STRN3: variants seen among roughly 807,000 people sequenced by gnomAD.
STRN3 encodes the protein striatin 3.
In STRN3, 29 loss-of-function variants were observed where a neutral mutation model predicts 95.6. That is an observed-to-expected ratio of 0.30 (90% CI 0.23 to 0.41). The LOEUF is 0.41. Ranked by LOEUF, STRN3 falls within the 10% of genes least tolerant of loss-of-function variation. The probability of loss-of-function intolerance (pLI) is 1.00; values close to 1 mark genes in which losing one functional copy is unlikely to be tolerated. For missense variants in STRN3, 890 were observed against 972.1 expected (o/e 0.92, Z 1.12); for synonymous variants, 331 against 357.6 (o/e 0.93, Z 0.84).
At chr14:30,955,171 A>G (rs1049563726) in intron 3 of STRN3, among the ~76,000 whole-genome samples, 2 of 152,188 alleles carry the variant, frequency 1.3e-5, no homozygotes, top group African/African-American at 4.8e-5. Context: ...TCTTAATTTT[A>G]TATGTATGAC....
At chr14:31,025,679 G>A (rs756222302) in intron 1 of STRN3, 5 of 679,082 alleles carry the variant, frequency 7.4e-6, no homozygotes, top group African/African-American at 5.6e-5. Context: ...CCCCGAGGAG[G>A]CCCGCACCGC....
At chr14:30,951,159 A>G (rs916314278) in intron 3 of STRN3, among the ~76,000 whole-genome samples, 1 of 152,166 alleles carries the variant, frequency 6.6e-6, no homozygotes, top group Admixed American at 6.5e-5. Context: ...CCCCATTTTA[A>G]AACAGGGAAA....
chr14:30,936,597 G>C lies in STRN3; in HGVS notation c.744C>G (p.Phe248Leu). The change falls in exon 6 of 18, where the codon TTC becomes TTG. Residue 248 changes from phenylalanine to leucine, a missense_variant. Phe to Leu is a conservative substitution (Grantham distance 22). This residue lies in a region of STRN3 where 526 missense variants were observed against 526.3 expected (regional missense o/e 1.00). Coordinates refer to ENST00000357479, the MANE Select transcript of STRN3 (RefSeq NM_001083893.2). ...TGTCATCGGCATTTTCTAAGAAATT[G>C]AACGTCTCAAGAACATCACCAGAGG... ...KRSSGDVLET[F>L]NFLENADDSD... The C allele has an allele frequency of 2.5e-6, 4 of 1,613,636 alleles. No individual in the cohort carries two copies. Among genetic ancestry groups the C allele is most frequent in the Middle Eastern group, 1.7e-4 (1 of 6,056 alleles).
At chr14:30,960,207 A>G (rs1880121098) in intron 1 of STRN3, among the ~76,000 whole-genome samples, 1 of 152,142 alleles carries the variant, frequency 6.6e-6, no homozygotes, top group South Asian at 2.1e-4. Flanking sequence ...TACAAAAATT[A>G]GACAGGTGTG....
chr14:30,997,230 A>G (rs1272622827), intron 1 of STRN3, among the ~76,000 whole-genome samples: 1 of 152,154 alleles, frequency 6.6e-6, no homozygotes, highest in African/African-American at 2.4e-5. Flanking sequence ...TGAGCAGATT[A>G]ACTTAAAAAT....
intron 1 of STRN3, among the ~76,000 whole-genome samples, chr14:31,011,812 G>A (rs917797014): frequency 1.3e-5 from 2 of 151,804 alleles, no homozygotes; most frequent in Non-Finnish European, 2.9e-5. Context: ...TGAGGCAGTG[G>A]CTAACGGATG....
At chr14:30,975,892 G>T (rs1007065094) in intron 1 of STRN3, among the ~76,000 whole-genome samples, 1 of 135,606 alleles carries the variant, frequency 7.4e-6, no homozygotes, top group Non-Finnish European at 1.6e-5. Flanking sequence ...TGTTTTATAA[G>T]TCCTAGGATA....
chr14:31,019,710 C>T (rs886474462), intron 1 of STRN3, among the ~76,000 whole-genome samples: 10 of 151,902 alleles, frequency 6.6e-5, no homozygotes, highest in African/African-American at 2.2e-4. Context: ...GCAAAATTTT[C>T]TTACCTTTTT....
intron 1 of STRN3, among the ~76,000 whole-genome samples, chr14:30,997,514 G>GT (rs1461148580): frequency 6.6e-6 from 1 of 152,132 alleles, no homozygotes; most frequent in African/African-American, 2.4e-5. Flanking sequence ...AGCATCTGTT[G>GT]TTTTTCCCAT....
chr14:30,955,808 TG>T, intron 2 of STRN3, 115 bp from the exon 3 acceptor site: 4 of 912,872 alleles, frequency 4.4e-6, no homozygotes, highest in Non-Finnish European at 6.3e-6. Context: ...AAACTTTGTT[TG>T]CAAAGAACAT....
chr14:31,015,340 T>C (rs1247682966), intron 1 of STRN3, among the ~76,000 whole-genome samples: 1 of 152,132 alleles, frequency 6.6e-6, no homozygotes, highest in Non-Finnish European at 1.5e-5. Context: ...AACTCTTAAA[T>C]AGAATTCAGT....
chr14:30,951,666 T>C (rs1253297459), intron 3 of STRN3, among the ~76,000 whole-genome samples: 1 of 152,230 alleles, frequency 6.6e-6, no homozygotes, highest in Non-Finnish European at 1.5e-5. Context: ...TACCTTAATA[T>C]GGGGTCTATA....
rs552659735 is a variant in STRN3, at chr14:30,930,769, A to G, written c.989-1458T>C. On this transcript the variant is annotated intron_variant, in intron 7 of 17. Transcript: ENST00000357479. ...AGTTTCCTGAAAATTATGCTGCATC[A>G]GGAATCTTTCTGTAAACTTATTGAA... Among the ~76,000 whole-genome samples, 33 of 152,320 alleles carry G rather than the reference A, an allele frequency of 2.2e-4. 1 individual carries two copies. In the South Asian group the frequency reaches 6.2e-3, roughly 29 times the overall value.
chr14:31,008,992 T>C (rs1347488820), intron 1 of STRN3, among the ~76,000 whole-genome samples: 1 of 152,040 alleles, frequency 6.6e-6, no homozygotes, highest in African/African-American at 2.4e-5. Context: ...TGAGCCGTGA[T>C]TGTACCACTG....
rs925876490 is a variant in STRN3, at chr14:30,954,715, A to G, written c.460+905T>C. ...TTGTCTTGCCACAATTTCAGTTGTG[A>G]GCAAAAAAGACTTATCTTGCTTTAT... is the stretch of plus-strand genomic sequence containing the variant. On this transcript the variant is annotated intron_variant, in intron 3 of 17. Coordinates refer to ENST00000357479, the MANE Select transcript of STRN3 (RefSeq NM_001083893.2). Among the ~76,000 whole-genome samples the G allele has an allele frequency of 2.0e-5, 3 of 152,198 alleles. 1 individual carries two copies. The highest frequency in any genetic ancestry group is 4.4e-5 in the Non-Finnish European group (3 of 68,030).
At chr14:31,000,550 C>G (rs1427726836) in intron 1 of STRN3, among the ~76,000 whole-genome samples, 2 of 151,188 alleles carry the variant, frequency 1.3e-5, no homozygotes, top group Non-Finnish European at 2.9e-5. Context: ...TAAATGGTAC[C>G]CAGGAAAATA....
At chr14:31,000,535 G>T (rs1315794920) in intron 1 of STRN3, among the ~76,000 whole-genome samples, 1 of 147,882 alleles carries the variant, frequency 6.8e-6, no homozygotes, top group Non-Finnish European at 1.5e-5. Context: ...AAAAAAGCAA[G>T]ATTTTAAATG....
At chr14:30,989,491 G>C (rs774695848) in intron 1 of STRN3, among the ~76,000 whole-genome samples, 2 of 152,030 alleles carry the variant, frequency 1.3e-5, no homozygotes, top group Non-Finnish European at 2.9e-5. Context: ...GATGGAGTCT[G>C]GCTCTGTCGC....
chr14:30,958,196 TTA>T (rs142825260), intron 1 of STRN3, among the ~76,000 whole-genome samples: 11,353 of 152,124 alleles, frequency 0.075, 647 homozygotes, highest in East Asian at 0.21. Flanking sequence ...TCCTGTAGAC[TTA>T]GCTACTTGGC....
Sources: gnomAD v4.1 joint callset for allele counts (sites outside exome capture counted in the v4.1 genomes callset) on GRCh38, gnomAD v4.1.1 for gene constraint, gnomAD v4.1.1 regional missense constraint, MANE v1.5 for transcripts, NCBI Gene and HGNC (gene_info 2026-07-23, HGNC 2026-07-21) for gene names.